RNF123: variants seen among roughly 807,000 people sequenced by gnomAD.
The protein encoded by RNF123 is ring finger protein 123, also known as E3 ubiquitin-protein ligase RNF123.
RNF123 carries 86 observed loss-of-function variants against 168.5 expected under a neutral mutation model. The observed-to-expected ratio is 0.51, with a 90% confidence interval of 0.43 to 0.61. The LOEUF is 0.61. Ranked by LOEUF, RNF123 falls within the 20% of genes least tolerant of loss-of-function variation. RNF123 has a pLI of 0.00. For synonymous variants in RNF123, 666 were observed against 689.1 expected (o/e 0.97, Z 0.52); for missense variants, 1,419 against 1,729.7 (o/e 0.82, Z 3.19).
chr3:49,718,734 G>A (rs2080311381), intron 35 of RNF123: 2 of 1,613,066 alleles, frequency 1.2e-6, no homozygotes, highest in Non-Finnish European at 1.7e-6. Context: ...CGCGCGCAAA[G>A]TCGCGCACGG....
intron 15 of RNF123, 151 bp downstream of exon 15, chr3:49,700,860 G>A (rs1045342870): frequency 2.5e-6 from 2 of 803,290 alleles, no homozygotes; most frequent in African/African-American, 3.4e-5. Context: ...TACAGAGCAA[G>A]GACGAGAGAG....
chr3:49,700,120 G>A, intron 12 of RNF123, 107 bp from the exon 13 acceptor site: 1 of 1,516,568 alleles, frequency 6.6e-7, no homozygotes. Flanking sequence ...TGCTCGAGTG[G>A]CTCAAGGCTC....
chr3:49,719,278 G>A, intron 35 of RNF123: 2 of 1,613,284 alleles, frequency 1.2e-6, no homozygotes, highest in South Asian at 2.2e-5. Context: ...GAGGTCCGCA[G>A]TAGCGGCAGG....
chr3:49,698,525 A>G lies in RNF123; in HGVS notation c.569A>G (p.Lys190Arg), dbSNP rs2054312941. The change falls in exon 8 of 39, where the codon AAG (lysine) becomes AGG (arginine). Residue 190 changes from lysine to arginine, a missense_variant and splice_region_variant. Around this residue, in one of 5 missense-constraint regions of RNF123, gnomAD observed 318 missense variants for 446.6 expected, o/e 0.71. Transcript: ENST00000327697. Reference protein sequence around the residue: ...KWNVTTTNYGKAWAAGDIVSC... With the variant: ...KWNVTTTNYGRAWAAGDIVSC... ...AATGTGACCACAACGAATTATGGCA[A>G]GGTGAGAGCCAAGCCCCTGTGGGTC... 1 of 1,613,756 alleles carries G rather than the reference A, an allele frequency of 6.2e-7. No individual in the cohort carries two copies. The highest frequency in any genetic ancestry group is 1.3e-5 in the African/African-American group (1 of 74,940).
intron 23 of RNF123, 110 bp downstream of exon 23, chr3:49,705,292 T>G (rs1393919364): frequency 7.3e-7 from 1 of 1,364,566 alleles, no homozygotes. Context: ...CCCTGTGGCC[T>G]GGCAGCATCC....
At chr3:49,719,197 A>C in intron 35 of RNF123, 2 of 1,613,350 alleles carry the variant, frequency 1.2e-6, no homozygotes, top group Non-Finnish European at 1.7e-6. Flanking sequence ...GTCTAGGTGC[A>C]GGGCGCGCAG....
chr3:49,708,239 C>T (rs541439000), intron 26 of RNF123, among the ~76,000 whole-genome samples: 15 of 152,342 alleles, frequency 9.8e-5, no homozygotes, highest in African/African-American at 2.9e-4. Context: ...GCTGGGGTTA[C>T]AGGCGTGCGC....
Position 49,720,594 on chromosome 3 carries a change from C to A in RNF123, c.3584C>A (p.Pro1195His). ...SICYLLGQPE[P>H]PAPGTALPAP... is the part of the protein sequence containing the mutation. ...TGCTATCTCCTGGGACAGCCAGAGC[C>A]CCCAGCACCTGGCACTGCTCTGCCA... The change falls in exon 36 of 39, where the codon CCC becomes CAC. Residue 1195 changes from proline (P) to histidine (H), a missense_variant. Pro to His is a moderately conservative substitution (Grantham distance 77). Transcript: ENST00000327697. The A allele has an allele frequency of 6.2e-7, 1 of 1,611,686 alleles. No individual in the cohort carries two copies. The highest frequency in any genetic ancestry group is 8.5e-7 in the Non-Finnish European group (1 of 1,178,548).
Position 49,700,372 on chromosome 3 carries a change from G to C in RNF123, c.1110+20G>C, listed in dbSNP as rs763406582. On this transcript the variant is annotated intron_variant, in intron 13 of 38. Transcript: ENST00000327697. ...ATGGAGGTGAGGCTCCTGACCTCAG[G>C]CCTCAGGCCTGGCTGTCAGTCTTCA... The C allele has an allele frequency of 1.7e-5, 28 of 1,613,600 alleles. No homozygotes were observed. Among genetic ancestry groups the C allele is most frequent in the Non-Finnish European group, 2.3e-5 (27 of 1,179,668 alleles).
chr3:49,695,442 T>C (rs2054249692), intron 3 of RNF123, among the ~76,000 whole-genome samples: 1 of 152,182 alleles, frequency 6.6e-6, no homozygotes, highest in Admixed American at 6.5e-5. Flanking sequence ...TTGGGCCCAC[T>C]GGGGTATTCA....
At position 49,699,258 on chromosome 3, in the gene RNF123, T is replaced by C. The variant is rs1032565089; in HGVS notation, c.764+153T>C. Among the ~76,000 whole-genome samples the C allele has an allele frequency of 1.3e-5, 2 of 152,000 alleles. No homozygotes were observed. Among genetic ancestry groups the C allele is most frequent in the Non-Finnish European group, 2.9e-5 (2 of 67,980 alleles). ...CCATGTAGAGTGTCGAAGAAAACTT[T>C]CCTCGCAGCAGCCTGGTTGGTTGGG... On this transcript the variant is annotated intron_variant, in intron 10 of 38. Coordinates refer to ENST00000327697, the MANE Select transcript of RNF123 (RefSeq NM_022064.5). The surrounding 1 kb of genome is among the most constrained non-coding windows in gnomAD (Gnocchi z 4.8).
chr3:49,713,678 A>G (rs1575537500), intron 28 of RNF123, 60 bp from the exon 29 acceptor site: 1 of 1,571,814 alleles, frequency 6.4e-7, no homozygotes, highest in African/African-American at 1.4e-5. Context: ...CCAGGTGGGC[A>G]TGAAGTATGG....
chr3:49,690,572 A>T (rs2054130759), intron 1 of RNF123, among the ~76,000 whole-genome samples: 1 of 152,206 alleles, frequency 6.6e-6, no homozygotes, highest in South Asian at 2.1e-4. Context: ...CACATGTGTG[A>T]GTGGGAATGG....
chr3:49,704,633 C>T lies in RNF123; in HGVS notation c.1853-17C>T, dbSNP rs2054474855. 1.2e-6 allele frequency: 2 copies of T among 1,601,626 alleles called. No homozygotes were observed. The highest frequency in any genetic ancestry group is 1.7e-6 in the Non-Finnish European group (2 of 1,173,566). On this transcript the variant is annotated splice_polypyrimidine_tract_variant and intron_variant, in intron 21 of 38. Coordinates refer to ENST00000327697, the MANE Select transcript of RNF123 (RefSeq NM_022064.5). ...GCGCCACCACTGGCCTGAGAACCCT[C>T]CTGCTCTTCCTCCCAGATGACCTTG...
Position 49,716,370 on chromosome 3 carries a change from C to G in RNF123, c.3416-23C>G, listed in dbSNP as rs200779427. 3.6e-3 allele frequency: 5,834 copies of G among 1,610,084 alleles called. 19 individuals carry two copies. Among genetic ancestry groups the G allele is most frequent in the Non-Finnish European group, 4.5e-3 (5,339 of 1,177,076 alleles). On this transcript the variant is annotated intron_variant, in intron 34 of 38. Coordinates refer to ENST00000327697, the MANE Select transcript of RNF123 (RefSeq NM_022064.5). ...AAGCAGGAGCATGTGGGTGGCTCAT[C>G]TCTTTCCTCCCCTTCCCCTCAGGCC...
Position 49,715,778 on chromosome 3 carries a change from G to C in RNF123, c.3151-44G>C, listed in dbSNP as rs936464846. 3 of 1,613,850 alleles carry C rather than the reference G, an allele frequency of 1.9e-6. No homozygotes were observed. In the African/African-American group the frequency reaches 4.0e-5, roughly 22 times the overall value. On this transcript the variant is annotated intron_variant, in intron 32 of 38. Transcript: ENST00000327697. ...AGGGATGAGGCCTGGTCCTGGGCTAGAGCCAGGTGCTGACCACTGCATGCC... is the reference window on the plus strand; with the variant it reads ...AGGGATGAGGCCTGGTCCTGGGCTACAGCCAGGTGCTGACCACTGCATGCC...
intron 21 of RNF123, among the ~76,000 whole-genome samples, chr3:49,703,938 C>T (rs1166947738): frequency 1.3e-5 from 2 of 152,180 alleles, no homozygotes; most frequent in African/African-American, 2.4e-5. Flanking sequence ...CGCCGGAGTG[C>T]AGGGGCTGAG....
rs1272549843 is a variant in RNF123, at chr3:49,720,672, C to T, written c.3643+19C>T. On this transcript the variant is annotated intron_variant, in intron 36 of 38. Coordinates refer to ENST00000327697, the MANE Select transcript of RNF123 (RefSeq NM_022064.5). The stretch of plus-strand genomic sequence containing the variant: ...CAGAGCTGTGAGTGGGCTGGTGGGG[C>T]AGGTCAGGGAAATCTGGGGCTGGGT... 3 of 1,594,768 alleles carry T rather than the reference C, an allele frequency of 1.9e-6. No homozygotes were observed. Among genetic ancestry groups the T allele is most frequent in the Admixed American group, 3.4e-5 (2 of 59,346 alleles).
Position 49,715,816 on chromosome 3 carries a change from G to T in RNF123, c.3151-6G>T. 1.9e-6 allele frequency: 3 copies of T among 1,613,970 alleles called. No individual in the cohort carries two copies. Reference sequence around the variant, plus strand: ...ACCACTGCATGCCCACGTGTTGGTGGCTCAGATCCAGCAGGCTGCTGAGCG... The same window carrying T: ...ACCACTGCATGCCCACGTGTTGGTGTCTCAGATCCAGCAGGCTGCTGAGCG... On this transcript the variant is annotated splice_polypyrimidine_tract_variant and splice_region_variant and intron_variant, in intron 32 of 38. Transcript: ENST00000327697.
Sources: allele counts gnomAD v4.1 joint callset (sites outside exome capture counted in the v4.1 genomes callset), GRCh38; gene constraint gnomAD v4.1.1; regional missense constraint gnomAD v4.1.1; non-coding constraint Gnocchi (gnomAD v3.1); transcripts MANE v1.5; gene names NCBI Gene and HGNC (gene_info 2026-07-23, HGNC 2026-07-21).